The following SLC39A10 variants were observed in gnomAD, a reference collection of about 807,000 sequenced individuals.
SLC39A10 encodes the protein solute carrier family 39 member 10, also known as zinc transporter ZIP10.
A neutral mutation model predicts 65.1 loss-of-function variants in SLC39A10; 13 were observed. The observed-to-expected ratio is 0.20, with a 90% confidence interval of 0.13 to 0.32. SLC39A10 has a LOEUF of 0.32. Among genes scored for constraint, SLC39A10 ranks in the 10% least tolerant of loss-of-function variants. The probability of loss-of-function intolerance (pLI) is 1.00; values close to 1 mark genes in which losing one functional copy is unlikely to be tolerated. For missense variants in SLC39A10, 831 were observed against 1,018.4 expected (o/e 0.82, Z 2.50); for synonymous variants, 321 against 342.2 (o/e 0.94, Z 0.68).
chr2:195,702,864 A>G (rs1467289042), intron 3 of SLC39A10, among the ~76,000 whole-genome samples: 3 of 152,196 alleles, frequency 2.0e-5, no homozygotes, highest in Admixed American at 2.0e-4. Flanking sequence ...GGTGTTGAGT[A>G]TTGTTTGTGC....
At chr2:195,631,685 C>T (rs1464660559) in intron 2 of SLC39A10, among the ~76,000 whole-genome samples, 1 of 151,950 alleles carries the variant, frequency 6.6e-6, no homozygotes, top group African/African-American at 2.4e-5. Flanking sequence ...ATATACTGAT[C>T]ATTATAAAAG....
In SLC39A10 at chr2:195,672,899, AGT is replaced by A. The variant is rs1689924982; in HGVS notation, c.-11-7130_-11-7129del. ...GTGGAAAATCAAGGTAACTGCAGGG[AGT>A]GTAACAGGGAGCTAAAGGAATATGT... On this transcript the variant is annotated intron_variant, in intron 1 of 9. Coordinates refer to ENST00000359634, the MANE Select transcript of SLC39A10 (RefSeq NM_020342.3). Among the ~76,000 whole-genome samples, 3 of 152,324 alleles carry A rather than the reference AGT, an allele frequency of 2.0e-5. No individual in the cohort carries two copies. In the South Asian group the frequency reaches 6.2e-4, roughly 32 times the overall value.
At chr2:195,653,960 C>T (rs541889772), upstream of SLC39A10, among the ~76,000 whole-genome samples, 6 of 152,062 alleles carry the variant, frequency 3.9e-5, no homozygotes, top group South Asian at 8.3e-4. Flanking sequence ...TTTTTTGAGA[C>T]GGAGTTTTGC....
intron 2 of SLC39A10, among the ~76,000 whole-genome samples, chr2:195,615,923 C>T (rs956357019): frequency 1.3e-5 from 2 of 152,164 alleles, no homozygotes; most frequent in African/African-American, 4.8e-5. Flanking sequence ...TCTTAACCTC[C>T]TTGATTGATA....
chr2:195,679,368 G>A (rs1690217610), intron 1 of SLC39A10, among the ~76,000 whole-genome samples: 1 of 152,112 alleles, frequency 6.6e-6, no homozygotes, highest in South Asian at 2.1e-4. Flanking sequence ...TGTTCCTTTA[G>A]TCTGTTTGTT....
chr2:195,693,537 A>G (rs1690826633), intron 3 of SLC39A10, among the ~76,000 whole-genome samples: 1 of 151,918 alleles, frequency 6.6e-6, no homozygotes, highest in Non-Finnish European at 1.5e-5. Flanking sequence ...GGACGGTTGT[A>G]TATTTCCAGG....
intron 4 of SLC39A10, 76 bp downstream of exon 4, chr2:195,706,861 T>G (rs1030045988): frequency 3.0e-5 from 30 of 994,954 alleles, no homozygotes; most frequent in Non-Finnish European, 3.9e-5. Flanking sequence ...ATTAGCAAGC[T>G]ATAGCACAGT....
At chr2:195,671,579 T>C (rs535984614) in intron 1 of SLC39A10, 1 of 152,348 alleles carries the variant, frequency 6.6e-6, no homozygotes, top group East Asian at 1.9e-4. Flanking sequence ...GGCAAAGCTG[T>C]GTCCTATAAA....
chr2:195,707,866 G>T (rs1559043382), intron 4 of SLC39A10, among the ~76,000 whole-genome samples: 2 of 152,032 alleles, frequency 1.3e-5, no homozygotes, highest in African/African-American at 2.4e-5. Flanking sequence ...AACAGGAAAA[G>T]AATACAAATA....
At chr2:195,651,952 G>T (rs1689039397), upstream of SLC39A10, among the ~76,000 whole-genome samples, 2 of 152,180 alleles carry the variant, frequency 1.3e-5, no homozygotes, top group African/African-American at 4.8e-5. Flanking sequence ...GTGACCAATG[G>T]CCTGTCACAC....
rs185861100 is a variant in SLC39A10 at position 195,682,680 on chromosome 2, C to T, written c.1009-1019C>T. Among the ~76,000 whole-genome samples, 69 of 151,946 alleles carry T rather than the reference C, an allele frequency of 4.5e-4. 1 individual carries two copies. The highest frequency in any genetic ancestry group is 4.4e-3 in the East Asian group (23 of 5,180). Reference sequence around the variant, plus strand: ...TATTGTTCATTTCCTCTTTGTATCACATCCGTGAGGTTTGCATTATTAGAC... The same window carrying T: ...TATTGTTCATTTCCTCTTTGTATCATATCCGTGAGGTTTGCATTATTAGAC... On this transcript the variant is annotated intron_variant, in intron 2 of 9. Transcript: ENST00000359634.
chr2:195,695,714 C>T (rs1322533864), intron 3 of SLC39A10, among the ~76,000 whole-genome samples: 1 of 152,230 alleles, frequency 6.6e-6, no homozygotes, highest in Non-Finnish European at 1.5e-5. Flanking sequence ...GCAGGAGCTG[C>T]AAGCTATTCC....
At chr2:195,617,832 T>C (rs910810285) in intron 2 of SLC39A10, among the ~76,000 whole-genome samples, 12 of 151,278 alleles carry the variant, frequency 7.9e-5, no homozygotes, top group Admixed American at 3.3e-4. Flanking sequence ...CTCTGCCTCC[T>C]AGGGTCACGC....
Position 195,728,854 on chromosome 2 carries a change from T to C in SLC39A10, c.2337+505T>C, listed in dbSNP as rs1692333264. Among the ~76,000 whole-genome samples the C allele has an allele frequency of 6.6e-6, 1 of 152,186 alleles. No individual in the cohort carries two copies. Among genetic ancestry groups the C allele is most frequent in the African/African-American group, 2.4e-5 (1 of 41,456 alleles). The stretch of plus-strand genomic sequence containing the variant: ...TGATTTTACTTTAATACCCCAAATA[T>C]GTTAGACAGTGTATTTACAGAACTA... On this transcript the variant is annotated intron_variant, in intron 9 of 9. Transcript: ENST00000359634. The surrounding 1 kb of genome is among the most constrained non-coding windows in gnomAD (Gnocchi z 4.4).
intron 4 of SLC39A10, among the ~76,000 whole-genome samples, chr2:195,708,266 C>T (rs1265025303): frequency 6.6e-6 from 1 of 152,152 alleles, no homozygotes; most frequent in Non-Finnish European, 1.5e-5. Flanking sequence ...TACAGGGAAT[C>T]ACAAGTGACT....
At chr2:195,618,454 A>T (rs1028285007) in intron 2 of SLC39A10, among the ~76,000 whole-genome samples, 4 of 152,176 alleles carry the variant, frequency 2.6e-5, no homozygotes, top group Admixed American at 6.5e-5. Context: ...TAAGTCATAG[A>T]GTACCAAAGT....
rs539447768 is a variant in SLC39A10 at position 195,735,197 on chromosome 2, G to T, written c.*156G>T. The T allele has an allele frequency of 4.4e-4, 291 of 661,898 alleles. No individual in the cohort carries two copies. In the African/African-American group the frequency reaches 4.9e-3, roughly 11 times the overall value. The allele number at this position is 661,898 out of a possible 1,614,324, so 41.0% of individuals were successfully genotyped here. On this transcript the variant is annotated 3_prime_UTR_variant, in exon 10 of 10. Coordinates refer to ENST00000359634, the MANE Select transcript of SLC39A10 (RefSeq NM_020342.3). ...CCTAACCACAAGAGGCTGGTGCTTA[G>T]TACTGTTTTCCCTGCACGTAGGGGT...
intron 2 of SLC39A10, among the ~76,000 whole-genome samples, chr2:195,649,490 C>T (rs1436544149): frequency 1.3e-5 from 2 of 152,050 alleles, no homozygotes; most frequent in African/African-American, 4.8e-5. Context: ...AATGGGTCAC[C>T]TTATTAATTA....
In SLC39A10 at chr2:195,728,952, T is replaced by C. The variant is rs1692336401; in HGVS notation, c.2337+603T>C. The stretch of plus-strand genomic sequence containing the variant: ...TTTTTTTTTTCTGGTAAGATCACAG[T>C]CTTATTTCAAAATTATGCAGCCTTT... On this transcript the variant is annotated intron_variant, in intron 9 of 9. Transcript: ENST00000359634. This position sits in a 1 kb window ranked among gnomAD's most constrained non-coding sequence, Gnocchi z 4.4. 6.6e-6 allele frequency among the ~76,000 whole-genome samples: 1 copy of C among 151,674 alleles called. No individual in the cohort carries two copies. Among genetic ancestry groups the C allele is most frequent in the Admixed American group, 6.6e-5 (1 of 15,208 alleles).
Sources: gnomAD v4.1 joint callset for allele counts (sites outside exome capture counted in the v4.1 genomes callset) on GRCh38, gnomAD v4.1.1 for gene constraint, Gnocchi (gnomAD v3.1) non-coding constraint, MANE v1.5 for transcripts, NCBI Gene and HGNC (gene_info 2026-07-23, HGNC 2026-07-21) for gene names.